Variants in SCHIP1 observed in about 807,000 individuals in gnomAD.
SCHIP1 encodes the protein schwannomin-interacting protein 1.
SCHIP1 carries 8 observed loss-of-function variants against 29.7 expected under a neutral mutation model. The ratio of observed to expected loss-of-function variants is 0.27; its 90% CI spans 0.16 to 0.49. The LOEUF (loss-of-function observed/expected upper bound fraction) is 0.49, where lower values mean the gene tolerates loss of function less well. Among genes scored for constraint, SCHIP1 ranks in the 20% least tolerant of loss-of-function variants. SCHIP1 has a pLI of 0.99. For missense variants in SCHIP1, 193 were observed against 294.6 expected (o/e 0.66, Z 2.52); for synonymous variants, 76 against 94.9 (o/e 0.80, Z 1.16).
chr3:159,500,496 G>A, the SCHIP1 span, among the ~76,000 whole-genome samples: 1 of 152,002 alleles, frequency 6.6e-6, no homozygotes, highest in Admixed American at 6.6e-5. Context: ...GGCAGATCAC[G>A]AGGTCAGGAG....
chr3:159,291,551 G>A, the SCHIP1 span, among the ~76,000 whole-genome samples: 606 of 152,182 alleles, frequency 4.0e-3, 3 homozygotes, highest in African/African-American at 0.013. Context: ...AATGGATGAA[G>A]CCACAAGATG....
At chr3:159,615,944 G>A in the SCHIP1 span, among the ~76,000 whole-genome samples, 2 of 152,188 alleles carry the variant, frequency 1.3e-5, no homozygotes, top group African/African-American at 4.8e-5. Context: ...TTACTAGGAT[G>A]TAGCTTTCTC....
At chr3:159,445,974 T>C in the SCHIP1 span, among the ~76,000 whole-genome samples, 3 of 151,742 alleles carry the variant, frequency 2.0e-5, no homozygotes, top group Admixed American at 6.6e-5. Flanking sequence ...CATGTATACG[T>C]ATGTAACTAA....
chr3:159,628,043 T>A, the SCHIP1 span, among the ~76,000 whole-genome samples: 7 of 152,348 alleles, frequency 4.6e-5, 1 homozygote, highest in Middle Eastern at 6.8e-3. Flanking sequence ...CAAGTTTTCA[T>A]CTCAGGACAT....
chr3:159,506,870 C>A, the SCHIP1 span, among the ~76,000 whole-genome samples: 1 of 152,162 alleles, frequency 6.6e-6, no homozygotes, highest in South Asian at 2.1e-4. Context: ...GTTACTGTAG[C>A]CTTGTAACAT....
the SCHIP1 span, among the ~76,000 whole-genome samples, chr3:159,704,606 G>T: frequency 5.3e-5 from 8 of 152,074 alleles, no homozygotes; most frequent in African/African-American, 1.9e-4. Context: ...TTGAATAAAT[G>T]AGCATTTTTA....
the SCHIP1 span, among the ~76,000 whole-genome samples, chr3:159,810,842 C>CATA: frequency 2.0e-5 from 3 of 152,166 alleles, no homozygotes; most frequent in African/African-American, 7.2e-5. Flanking sequence ...ATTGCAAGAT[C>CATA]ATATGGTAAA....
At chr3:159,283,681 G>A in the SCHIP1 span, among the ~76,000 whole-genome samples, 1 of 152,020 alleles carries the variant, frequency 6.6e-6, no homozygotes, top group South Asian at 2.1e-4. Context: ...GTATTGATTT[G>A]TATCTTTTCA....
At chr3:159,404,889 G>GACAT in the SCHIP1 span, among the ~76,000 whole-genome samples, 1 of 152,184 alleles carries the variant, frequency 6.6e-6, no homozygotes, top group African/African-American at 2.4e-5. Flanking sequence ...TGGTGGTAGT[G>GACAT]ACATAGGCGT....
the SCHIP1 span, among the ~76,000 whole-genome samples, chr3:159,812,829 G>A: frequency 6.6e-6 from 1 of 152,148 alleles, no homozygotes; most frequent in African/African-American, 2.4e-5. Context: ...AAGGAAAAGA[G>A]GTTTGTCTGG....
the SCHIP1 span, among the ~76,000 whole-genome samples, chr3:159,587,225 T>C: frequency 6.6e-6 from 1 of 152,176 alleles, no homozygotes; most frequent in African/African-American, 2.4e-5. Context: ...CACAATCAAG[T>C]TTAAGAGTTA....
the SCHIP1 span, among the ~76,000 whole-genome samples, chr3:159,597,856 A>G: frequency 6.6e-6 from 1 of 152,188 alleles, no homozygotes; most frequent in Non-Finnish European, 1.5e-5. Context: ...GATACTACCC[A>G]TGACTGGGTA....
the SCHIP1 span, among the ~76,000 whole-genome samples, chr3:159,406,408 G>A: frequency 6.6e-6 from 1 of 152,146 alleles, no homozygotes; most frequent in African/African-American, 2.4e-5. Flanking sequence ...AAACATCAAG[G>A]AGAAATAAAG....
At chr3:159,736,797 C>T in the SCHIP1 span, among the ~76,000 whole-genome samples, 1 of 151,468 alleles carries the variant, frequency 6.6e-6, no homozygotes, top group Non-Finnish European at 1.5e-5. Context: ...TGCAGTGGCG[C>T]GATCTCAGCT....
At chr3:159,491,159 C>G in the SCHIP1 span, among the ~76,000 whole-genome samples, 1 of 152,194 alleles carries the variant, frequency 6.6e-6, no homozygotes, top group African/African-American at 2.4e-5. Flanking sequence ...CAGCTCCAGT[C>G]TACAGCTCCC....
At chr3:159,318,068 G>T in the SCHIP1 span, among the ~76,000 whole-genome samples, 21 of 152,132 alleles carry the variant, frequency 1.4e-4, no homozygotes, top group Admixed American at 1.3e-3. Flanking sequence ...ATGCTGCTGA[G>T]CCCATGTGTA....
the SCHIP1 span, among the ~76,000 whole-genome samples, chr3:159,824,439 C>T: frequency 1.3e-5 from 2 of 152,180 alleles, no homozygotes; most frequent in African/African-American, 4.8e-5. Flanking sequence ...GGACAGAAGG[C>T]ATACTGGCCT....
the SCHIP1 span, among the ~76,000 whole-genome samples, chr3:159,293,000 A>G: frequency 3.0e-3 from 457 of 152,316 alleles, 1 homozygote; most frequent in Admixed American, 6.3e-3. Context: ...TGCAATGACC[A>G]TGTTATCTGA....
At chr3:159,539,328 G>C in the SCHIP1 span, among the ~76,000 whole-genome samples, 1 of 92,444 alleles carries the variant, frequency 1.1e-5, no homozygotes, top group East Asian at 4.5e-4. Context: ...GCATGCAAGA[G>C]AGCATAAATA....
Sources: allele counts gnomAD v4.1 joint callset (sites outside exome capture counted in the v4.1 genomes callset), GRCh38; gene constraint gnomAD v4.1.1; transcripts MANE v1.5; gene names NCBI Gene and HGNC (gene_info 2026-07-23, HGNC 2026-07-21).